The following MAGI1 variants were observed in gnomAD, a reference collection of about 807,000 sequenced individuals.
MAGI1 encodes membrane-associated guanylate kinase, WW and PDZ domain-containing protein 1.
Under a neutral mutation model 139.9 loss-of-function variants are expected in MAGI1, and 58 were observed. The observed-to-expected ratio is 0.41, with a 90% CI of 0.34 to 0.52. MAGI1 has a LOEUF of 0.52. Ranked by LOEUF, MAGI1 falls within the 20% of genes least tolerant of loss-of-function variation. The pLI is 0.12. For synonymous variants in MAGI1, 812 were observed against 737.9 expected, an observed-to-expected ratio of 1.10 and a Z score of -1.63; for missense variants, 1,874 against 1,901.6, an observed-to-expected ratio of 0.99 and a Z score of 0.27.
intron 1 of MAGI1, among the ~76,000 whole-genome samples, chr3:65,870,095 T>C (rs1575779770): frequency 1.3e-5 from 2 of 152,346 alleles, no homozygotes; most frequent in South Asian, 4.1e-4. Context: ...CGATTTGTTC[T>C]ACACGGATGC....
intron 1 of MAGI1, among the ~76,000 whole-genome samples, chr3:65,859,977 C>T (rs2059500059): frequency 6.6e-6 from 1 of 151,396 alleles, no homozygotes; most frequent in Non-Finnish European, 1.5e-5. Context: ...CTCACTGCAA[C>T]CTCTGCCTCC....
intron 2 of MAGI1, among the ~76,000 whole-genome samples, chr3:65,499,510 A>G (rs1482123406): frequency 6.6e-6 from 1 of 152,086 alleles, no homozygotes. Flanking sequence ...TTAGCCAGGC[A>G]TGGTGGCAGG....
intron 1 of MAGI1, among the ~76,000 whole-genome samples, chr3:65,950,067 C>CAAAAAAAAAA (rs61696952): frequency 2.3e-4 from 18 of 76,692 alleles, no homozygotes; most frequent in African/African-American, 2.9e-4. Context: ...AACAAAAAAA[C>CAAAAAAAAAA]AAAAAAAAAA....
At chr3:65,429,388 G>A in intron 12 of MAGI1, 132 bp downstream of exon 12, 1 of 941,384 alleles carries the variant, frequency 1.1e-6, no homozygotes, top group Non-Finnish European at 1.6e-6. Context: ...GTTAGTATTT[G>A]GAGAAATCAG....
intron 1 of MAGI1, chr3:65,844,006 T>C (rs1472757727): frequency 6.2e-6 from 2 of 324,478 alleles, no homozygotes; most frequent in South Asian, 2.7e-5. Flanking sequence ...ATCGAGGGTA[T>C]GCAGATATGA....
At chr3:65,985,863 T>C (rs571215124) in intron 1 of MAGI1, among the ~76,000 whole-genome samples, 9 of 152,292 alleles carry the variant, frequency 5.9e-5, no homozygotes, top group African/African-American at 1.9e-4. Context: ...AAACTGGAAA[T>C]AGAAAATGGC....
At chr3:65,974,174 G>A (rs2065141244) in intron 1 of MAGI1, among the ~76,000 whole-genome samples, 1 of 151,960 alleles carries the variant, frequency 6.6e-6, no homozygotes, top group South Asian at 2.1e-4. Flanking sequence ...AAGACAACTA[G>A]ATATTTTGCT....
intron 1 of MAGI1, among the ~76,000 whole-genome samples, chr3:65,703,195 C>G (rs982274409): frequency 1.3e-5 from 2 of 152,154 alleles, no homozygotes; most frequent in African/African-American, 2.4e-5. Flanking sequence ...TTCCTGACTA[C>G]TGAACCAGAA....
intron 1 of MAGI1, among the ~76,000 whole-genome samples, chr3:65,933,849 G>C (rs1486993892): frequency 1.3e-5 from 2 of 152,168 alleles, no homozygotes; most frequent in African/African-American, 4.8e-5. Flanking sequence ...ATTCCGGTCA[G>C]GTGCGGGGGC....
At chr3:65,460,927 T>C (rs1266907644) in intron 5 of MAGI1, among the ~76,000 whole-genome samples, 1 of 152,212 alleles carries the variant, frequency 6.6e-6, no homozygotes, top group Non-Finnish European at 1.5e-5. Flanking sequence ...ATGTGCCACA[T>C]TTTCTTTATC....
chr3:65,532,068 T>C (rs568421010), intron 2 of MAGI1, among the ~76,000 whole-genome samples: 1 of 152,154 alleles, frequency 6.6e-6, no homozygotes, highest in African/African-American at 2.4e-5. Flanking sequence ...GTTCCAATCA[T>C]ATCTCTGTTC....
At chr3:65,663,418 C>T (rs2086316369) in intron 1 of MAGI1, among the ~76,000 whole-genome samples, 1 of 152,132 alleles carries the variant, frequency 6.6e-6, no homozygotes, top group African/African-American at 2.4e-5. Flanking sequence ...TTGGGCACTG[C>T]TTATATTATT....
Position 65,795,661 on chromosome 3 carries a change from G to A in MAGI1, c.314-173573C>T, listed in dbSNP as rs564412240. 1.0e-4 allele frequency among the ~76,000 whole-genome samples: 15 copies of A among 143,908 alleles called. 1 individual carries two copies. Among genetic ancestry groups the A allele is most frequent in the East Asian group, 6.6e-4 (3 of 4,556 alleles). The allele number at this position is 143,908 out of a possible 152,430, so 94.4% of individuals were successfully genotyped here. A position where few individuals can be genotyped will look rare whatever the true frequency, so the allele number is the denominator to read the frequency against. On this transcript the variant is annotated intron_variant, in intron 1 of 22. Coordinates refer to ENST00000402939, the MANE Select transcript of MAGI1 (RefSeq NM_001033057.2). ...CTTAAAATGAAGCCTGCTCTATTTC[G>A]GTCTCCAAAGAAACAGAACCATAAG...
intron 1 of MAGI1, among the ~76,000 whole-genome samples, chr3:65,669,906 T>A (rs2086753138): frequency 6.6e-6 from 1 of 152,192 alleles, no homozygotes; most frequent in Non-Finnish European, 1.5e-5. Flanking sequence ...CAAGATCAAT[T>A]TTTTTCCTTG....
At chr3:66,002,960 T>C (rs913483532) in intron 1 of MAGI1, among the ~76,000 whole-genome samples, 1 of 152,174 alleles carries the variant, frequency 6.6e-6, no homozygotes, top group African/African-American at 2.4e-5. Context: ...GAATTATTAA[T>C]AGTACAGAGC....
chr3:65,509,467 G>A (rs896464075), intron 2 of MAGI1, among the ~76,000 whole-genome samples: 1 of 152,196 alleles, frequency 6.6e-6, no homozygotes, highest in Non-Finnish European at 1.5e-5. Context: ...GCAAGCCGAA[G>A]CAGGGTGAGG....
intron 1 of MAGI1, among the ~76,000 whole-genome samples, chr3:65,747,916 G>C (rs2035833959): frequency 6.6e-6 from 1 of 152,230 alleles, no homozygotes; most frequent in South Asian, 2.1e-4. Flanking sequence ...CGAGGCAGGG[G>C]TGGTGGGCAG....
chr3:65,582,137 AG>A, intron 2 of MAGI1, among the ~76,000 whole-genome samples: 1 of 152,362 alleles, frequency 6.6e-6, no homozygotes, highest in Admixed American at 6.5e-5. Flanking sequence ...ACATGATTAT[AG>A]GCTGTACTTG....
At chr3:65,979,328 G>C (rs1462727906) in intron 1 of MAGI1, among the ~76,000 whole-genome samples, 1 of 152,026 alleles carries the variant, frequency 6.6e-6, no homozygotes, top group Non-Finnish European at 1.5e-5. Context: ...TAATCAAAAC[G>C]TCATCCAACA....
Sources: allele counts gnomAD v4.1 joint callset (sites outside exome capture counted in the v4.1 genomes callset), GRCh38; gene constraint gnomAD v4.1.1; transcripts MANE v1.5; gene names NCBI Gene and HGNC (gene_info 2026-07-23, HGNC 2026-07-21).